Variants in TET2 observed in about 807,000 individuals in gnomAD.
The protein encoded by TET2 is methylcytosine dioxygenase TET2.
TET2 carries 299 observed loss-of-function variants against 142.9 expected under a neutral mutation model. The ratio of observed to expected loss-of-function variants is 2.09; its 90% CI spans 1.90 to 2.30. TET2 has a LOEUF of 2.30. Among genes scored for constraint, TET2 ranks in the 30% most tolerant of loss-of-function variants. The probability of loss-of-function intolerance (pLI) is 0.00; values close to 1 mark genes in which losing one functional copy is unlikely to be tolerated. For synonymous variants in TET2, 819 were observed against 849.0 expected (o/e 0.96, Z 0.61); for missense variants, 2,418 against 2,378.0 (o/e 1.02, Z -0.35).
intron 1 of TET2, among the ~76,000 whole-genome samples, chr4:105,155,677 T>C (rs965321122): frequency 6.6e-6 from 1 of 152,214 alleles, no homozygotes; most frequent in Non-Finnish European, 1.5e-5. Flanking sequence ...ATCCCATACC[T>C]TGGGACCATG....
At position 105,236,891 on chromosome 4, in the gene TET2, G is replaced by A. The variant is rs758967278; in HGVS notation, c.2949G>A (p.Val983=). 1.2e-6 allele frequency: 2 copies of A among 1,614,046 alleles called. No homozygotes were observed. The highest frequency in any genetic ancestry group is 2.2e-5 in the East Asian group (1 of 44,870). The change falls in exon 3 of 11, where the codon GTG becomes GTA. Residue 983 remains valine, a synonymous_variant. Coordinates refer to ENST00000380013, the MANE Select transcript of TET2 (RefSeq NM_001127208.3). ...GTCAGATGCACAGGCCAATTAAGGT[G>A]GAACCTGGATGCAAGCCACATGCCT... ...CHSQMHRPIK[V]EPGCKPHACM...
At chr4:105,160,957 GT>G (rs1723824674) in intron 1 of TET2, among the ~76,000 whole-genome samples, 1 of 152,114 alleles carries the variant, frequency 6.6e-6, no homozygotes, top group Non-Finnish European at 1.5e-5. Context: ...TGTATTTTTA[GT>G]AGAGGCGGGG....
At chr4:105,167,533 C>T (rs1251629635) in intron 1 of TET2, among the ~76,000 whole-genome samples, 1 of 152,072 alleles carries the variant, frequency 6.6e-6, no homozygotes, top group African/African-American at 2.4e-5. Context: ...AATAGTTTCA[C>T]TGTACTTTAT....
chr4:105,208,091 T>G (rs761760134), intron 2 of TET2, among the ~76,000 whole-genome samples: 2 of 152,188 alleles, frequency 1.3e-5, no homozygotes, highest in Non-Finnish European at 2.9e-5. Context: ...AAATTGCTAC[T>G]TGAGTTCATG....
chr4:105,208,576 C>G (rs1726963991), intron 2 of TET2, among the ~76,000 whole-genome samples: 1 of 152,052 alleles, frequency 6.6e-6, no homozygotes, highest in African/African-American at 2.4e-5. Flanking sequence ...GGCGTCTTTG[C>G]CATTTAATCA....
Position 105,265,105 on chromosome 4 carries a change from C to T in TET2, c.4044+3257C>T, listed in dbSNP as rs1167230496. Among the ~76,000 whole-genome samples the T allele has an allele frequency of 3.3e-5, 5 of 152,132 alleles. No individual in the cohort carries two copies. In the East Asian group the frequency reaches 7.7e-4, roughly 23 times the overall value. The stretch of plus-strand genomic sequence containing the variant: ...ACAGTAGACCTGAAATAGCAGGTGT[C>T]AATCTCAAAATCGTGTGCTATTTAT... On this transcript the variant is annotated intron_variant, in intron 8 of 10. Coordinates refer to ENST00000380013, the MANE Select transcript of TET2 (RefSeq NM_001127208.3).
At position 105,278,475 on chromosome 4, in the gene TET2, G is replaced by T. The variant is rs1578745072; in HGVS notation, c.*1956G>T. Reference sequence around the variant, plus strand: ...GTATAACTTGAACTTCAACCTTTTTGTTCTAAAAATTCAGGGATATTTCAG... The same window carrying T: ...GTATAACTTGAACTTCAACCTTTTTTTTCTAAAAATTCAGGGATATTTCAG... On this transcript the variant is annotated 3_prime_UTR_variant, in exon 11 of 11. Transcript: ENST00000380013. 1 of 222,008 alleles carries T rather than the reference G, an allele frequency of 4.5e-6. No homozygotes were observed. Among genetic ancestry groups the T allele is most frequent in the Non-Finnish European group, 8.9e-6 (1 of 112,468 alleles). The allele number at this position is 222,008 out of a possible 1,614,324, so 13.8% of individuals were successfully genotyped here. A position where few individuals can be genotyped will look rare whatever the true frequency, so the allele number is the denominator to read the frequency against.
At chr4:105,258,139 G>A (rs1165996663) in intron 6 of TET2, among the ~76,000 whole-genome samples, 2 of 152,090 alleles carry the variant, frequency 1.3e-5, no homozygotes, top group African/African-American at 4.8e-5. Context: ...CTGAAATCCT[G>A]TCTTTTTTTC....
intron 8 of TET2, among the ~76,000 whole-genome samples, chr4:105,263,607 T>A (rs575075641): frequency 6.6e-6 from 1 of 152,172 alleles, no homozygotes; most frequent in African/African-American, 2.4e-5. Context: ...ATTTTGGACA[T>A]GCTAGGCTTC....
chr4:105,174,667 G>A (rs1381882105), intron 1 of TET2, among the ~76,000 whole-genome samples: 2 of 152,124 alleles, frequency 1.3e-5, no homozygotes, highest in African/African-American at 4.8e-5. Context: ...CAAGTCTGAG[G>A]GTTAAAAACT....
At chr4:105,210,497 C>T (rs894030924) in intron 2 of TET2, among the ~76,000 whole-genome samples, 6 of 152,134 alleles carry the variant, frequency 3.9e-5, no homozygotes, top group African/African-American at 1.2e-4. Context: ...GCTTAGACCC[C>T]TTGCTGATTT....
chr4:105,274,386 T>C (rs1383443424), intron 10 of TET2, among the ~76,000 whole-genome samples: 2 of 152,342 alleles, frequency 1.3e-5, no homozygotes, highest in East Asian at 3.9e-4. Flanking sequence ...AGCCTGCTTA[T>C]AAAGTAGCAC....
At chr4:105,156,463 G>A (rs1266933262) in intron 1 of TET2, among the ~76,000 whole-genome samples, 1 of 152,128 alleles carries the variant, frequency 6.6e-6, no homozygotes, top group African/African-American at 2.4e-5. Context: ...TAAAAGTAAT[G>A]GTAATTTTAA....
rs1314988626 is a variant in TET2, at chr4:105,235,886, C to A, written c.1944C>A (p.Asp648Glu). ...MNQGQSQGTVDQHLQFQKPSH... is the reference protein window; with the variant it reads ...MNQGQSQGTVEQHLQFQKPSH... ...AAGGGCAGTCCCAAGGTACAGTGGA[C>A]CAACATCTCCAGTTCCAAAAACCCT... Residue 648 changes from aspartate to glutamate, a missense_variant, in exon 3 of 11, where the codon GAC becomes GAA. Asp to Glu is a conservative substitution (Grantham distance 45). Coordinates refer to ENST00000380013, the MANE Select transcript of TET2 (RefSeq NM_001127208.3). 2 of 1,614,010 alleles carry A rather than the reference C, an allele frequency of 1.2e-6. No homozygotes were observed. The highest frequency in any genetic ancestry group is 8.5e-7 in the Non-Finnish European group (1 of 1,179,990).
At chr4:105,167,119 A>G (rs1456666908) in intron 1 of TET2, among the ~76,000 whole-genome samples, 1 of 151,658 alleles carries the variant, frequency 6.6e-6, no homozygotes, top group African/African-American at 2.4e-5. Flanking sequence ...TCCATCACAT[A>G]TTTTTCATCT....
At chr4:105,241,600 C>CA in intron 4 of TET2, 171 bp downstream of exon 4, 1 of 1,363,292 alleles carries the variant, frequency 7.3e-7, no homozygotes. Context: ...ACCAGAGAGT[C>CA]ACAATATTTG....
intron 8 of TET2, among the ~76,000 whole-genome samples, chr4:105,268,266 CAATA>C (rs1279502561): frequency 1.3e-5 from 2 of 151,874 alleles, no homozygotes; most frequent in East Asian, 1.9e-4. Flanking sequence ...TATATACTAG[CAATA>C]AATAAATCAA....
chr4:105,241,374 A>G lies in TET2; in HGVS notation c.3445A>G (p.Thr1149Ala). Residue 1149 changes from threonine (T) to alanine (A), a missense_variant, in exon 4 of 11, where the codon ACC (threonine) becomes GCC (alanine). Coordinates refer to ENST00000380013, the MANE Select transcript of TET2 (RefSeq NM_001127208.3). ...TGAAAAAGATGAAGGTCCTTTTTAT[A>G]CCCATCTAGGAGCAGGTCCTAATGT... The part of the protein sequence containing the change: ...IIEKDEGPFY[T>A]HLGAGPNVAA... The G allele has an allele frequency of 6.5e-7, 1 of 1,549,214 alleles. No homozygotes were observed. The highest frequency in any genetic ancestry group is 8.7e-7 in the Non-Finnish European group (1 of 1,146,236).
At position 105,275,146 on chromosome 4, in the gene TET2, C is replaced by A. The variant is rs1238625315; in HGVS notation, c.4636C>A (p.Gln1546Lys). ...PQPQQQQRPQ[Q>K]QQPHHPQTES... is the part of the protein sequence containing the mutation. ...GCCCCAGCAGCAGCAGAGACCCCAG[C>A]AGCAGCAGCCACATCACCCTCAGAC... The change falls in exon 11 of 11, where the codon CAG becomes AAG. Residue 1546 changes from glutamine (Q) to lysine (K), a missense_variant. Physicochemically the swap from Gln to Lys is moderately conservative, Grantham distance 53. Coordinates refer to ENST00000380013, the MANE Select transcript of TET2 (RefSeq NM_001127208.3). 1.3e-6 allele frequency: 2 copies of A among 1,552,000 alleles called. No individual in the cohort carries two copies. Among genetic ancestry groups the A allele is most frequent in the South Asian group, 1.2e-5 (1 of 84,050 alleles).
Sources: allele counts gnomAD v4.1 joint callset (sites outside exome capture counted in the v4.1 genomes callset), GRCh38; gene constraint gnomAD v4.1.1; transcripts MANE v1.5; gene names NCBI Gene and HGNC (gene_info 2026-07-23, HGNC 2026-07-21).